RBFOX1: variants seen among roughly 807,000 people sequenced by gnomAD.
RBFOX1 encodes RNA binding protein fox-1 homolog 1.
In RBFOX1, 8 loss-of-function variants were observed where a neutral mutation model predicts 57.7. The observed-to-expected ratio is 0.14, with a 90% CI of 0.08 to 0.25. The LOEUF is 0.25. RBFOX1 is among the 10% of genes least tolerant of loss of function. The pLI is 1.00. For missense variants in RBFOX1, 611 were observed against 548.5 expected, an observed-to-expected ratio of 1.11 and a Z score of -1.14; for synonymous variants, 326 against 222.4, an observed-to-expected ratio of 1.47 and a Z score of -4.15.
chr16:7,480,810 T>A (rs751968028), intron 4 of RBFOX1, among the ~76,000 whole-genome samples: 2 of 152,170 alleles, frequency 1.3e-5, no homozygotes, highest in Non-Finnish European at 2.9e-5. Context: ...TTGGCACTTA[T>A]GGAGGAAGCA....
chr16:6,625,943 G>C (rs769362617), intron 2 of RBFOX1, among the ~76,000 whole-genome samples: 4 of 152,136 alleles, frequency 2.6e-5, no homozygotes, highest in Admixed American at 6.5e-5. Flanking sequence ...GATAATACTT[G>C]AGAGCTCATT....
At chr16:6,608,582 A>C (rs2097983525) in intron 2 of RBFOX1, among the ~76,000 whole-genome samples, 1 of 152,168 alleles carries the variant, frequency 6.6e-6, no homozygotes, top group Non-Finnish European at 1.5e-5. Context: ...TGAGACCAGG[A>C]GTTTGAGATG....
At chr16:6,701,227 A>G (rs960752126) in intron 3 of RBFOX1, among the ~76,000 whole-genome samples, 1 of 152,144 alleles carries the variant, frequency 6.6e-6, no homozygotes, top group Non-Finnish European at 1.5e-5. Context: ...AAGTTGCCCC[A>G]GGAAGGGTGT....
chr16:6,077,895 C>G (rs1164018691), intron 1 of RBFOX1, among the ~76,000 whole-genome samples: 1 of 151,960 alleles, frequency 6.6e-6, no homozygotes, highest in Non-Finnish European at 1.5e-5. Context: ...TAGGAACATC[C>G]AAGGAGTAGA....
chr16:6,417,579 G>C (rs911611996), intron 2 of RBFOX1, among the ~76,000 whole-genome samples: 1 of 148,430 alleles, frequency 6.7e-6, no homozygotes, highest in Non-Finnish European at 1.5e-5. Context: ...TAGTAGAGAC[G>C]GGGTTTCACC....
chr16:6,043,472 G>A (rs552727362), intron 1 of RBFOX1, among the ~76,000 whole-genome samples: 1 of 152,174 alleles, frequency 6.6e-6, no homozygotes, highest in Non-Finnish European at 1.5e-5. Flanking sequence ...TTGGAATTGG[G>A]TATCTTATTC....
chr16:7,103,808 T>G (rs1397530876), intron 4 of RBFOX1, among the ~76,000 whole-genome samples: 1 of 152,172 alleles, frequency 6.6e-6, no homozygotes, highest in Non-Finnish European at 1.5e-5. Context: ...ATTACCAGAC[T>G]CGTGACTTCA....
At chr16:6,830,236 G>C (rs74887111) in intron 3 of RBFOX1, among the ~76,000 whole-genome samples, 1 of 152,158 alleles carries the variant, frequency 6.6e-6, no homozygotes, top group East Asian at 1.9e-4. Flanking sequence ...TTCTTAATGT[G>C]TGTGAAGACA....
At chr16:7,411,059 C>T (rs766697509) in intron 4 of RBFOX1, among the ~76,000 whole-genome samples, 2 of 152,130 alleles carry the variant, frequency 1.3e-5, no homozygotes, top group Non-Finnish European at 2.9e-5. Context: ...AATTCTTGTG[C>T]CTCAGCGTAC....
intron 4 of RBFOX1, among the ~76,000 whole-genome samples, chr16:7,171,651 A>G (rs2080724180): frequency 1.3e-5 from 2 of 152,204 alleles, no homozygotes; most frequent in East Asian, 1.9e-4. Context: ...CATTTACTTC[A>G]CCATGCCAGA....
At chr16:5,447,932 T>A (rs2068300704) in intron 1 of RBFOX1, among the ~76,000 whole-genome samples, 1 of 152,176 alleles carries the variant, frequency 6.6e-6, no homozygotes, top group Non-Finnish European at 1.5e-5. Context: ...ACTCATTCTG[T>A]GTAGAGTGAC....
rs933953795 is a variant in RBFOX1 at position 7,402,860 on chromosome 16, C to G, written c.28-115287C>G. 5.9e-5 allele frequency among the ~76,000 whole-genome samples: 9 copies of G among 152,262 alleles called. No individual in the cohort carries two copies. In the South Asian group the frequency reaches 1.2e-3, roughly 21 times the overall value. The stretch of plus-strand genomic sequence containing the variant: ...AGGGCACCTGTAAGGGGGACATCAC[C>G]TAACTCATTCAGTCCTAGACATTGA... On this transcript the variant is annotated intron_variant, in intron 4 of 15. Coordinates refer to ENST00000550418, the MANE Select transcript of RBFOX1 (RefSeq NM_018723.4).
intron 2 of RBFOX1, among the ~76,000 whole-genome samples, chr16:6,322,890 T>C (rs560131035): frequency 1.8e-4 from 28 of 152,226 alleles, no homozygotes; most frequent in African/African-American, 6.3e-4. Flanking sequence ...AAGGACAAAC[T>C]CATCTAGATA....
At chr16:6,393,450 C>A (rs577308759) in intron 2 of RBFOX1, among the ~76,000 whole-genome samples, 1 of 152,154 alleles carries the variant, frequency 6.6e-6, no homozygotes, top group Non-Finnish European at 1.5e-5. Context: ...CCTGCCCAGT[C>A]CCTATAAAAA....
intron 4 of RBFOX1, among the ~76,000 whole-genome samples, chr16:5,958,203 C>T (rs1275632665): frequency 6.6e-6 from 1 of 152,168 alleles, no homozygotes; most frequent in African/African-American, 2.4e-5. Context: ...CAAAGGGGTG[C>T]TATAAATGTT....
chr16:6,009,891 A>G (rs1048266238), intron 4 of RBFOX1, among the ~76,000 whole-genome samples: 3 of 151,808 alleles, frequency 2.0e-5, no homozygotes, highest in Non-Finnish European at 4.4e-5. Flanking sequence ...CCTGAATCAG[A>G]ATCTCCAGCA....
intron 3 of RBFOX1, among the ~76,000 whole-genome samples, chr16:7,035,604 T>C (rs542902542): frequency 1.3e-5 from 2 of 152,296 alleles, no homozygotes; most frequent in African/African-American, 4.8e-5. Context: ...GGTTTATTAT[T>C]ATTATTATTT....
chr16:5,559,163 GGCAAAAAAAA>G (rs2045793052), intron 2 of RBFOX1, among the ~76,000 whole-genome samples: 1 of 68,622 alleles, frequency 1.5e-5, no homozygotes, highest in African/African-American at 7.2e-5. Flanking sequence ...AACCCCCCCA[GGCAAAAAAAA>G]AAAAAAAAAA....
chr16:6,853,778 C>T (rs891740810), intron 3 of RBFOX1, among the ~76,000 whole-genome samples: 1 of 152,028 alleles, frequency 6.6e-6, no homozygotes, highest in African/African-American at 2.4e-5. Flanking sequence ...TGCACTCTGA[C>T]CTCACTTGAA....
Sources: gnomAD v4.1 joint callset for allele counts (sites outside exome capture counted in the v4.1 genomes callset) on GRCh38, gnomAD v4.1.1 for gene constraint, MANE v1.5 for transcripts, NCBI Gene and HGNC (gene_info 2026-07-23, HGNC 2026-07-21) for gene names.